NBAS: variants seen among roughly 807,000 people sequenced by gnomAD.
NBAS encodes NBAS subunit of NRZ tethering complex.
NBAS carries 219 observed loss-of-function variants against 302.5 expected under a neutral mutation model. The ratio of observed to expected loss-of-function variants is 0.72; its 90% CI spans 0.65 to 0.81. NBAS has a LOEUF of 0.81. NBAS is among the 30% of genes least tolerant of loss of function. The pLI, the probability that NBAS is intolerant of heterozygous loss-of-function variation, is 0.00. For missense variants in NBAS, 2,932 were observed against 2,841.6 expected (o/e 1.03, Z -0.72); for synonymous variants, 1,118 against 1,021.6 (o/e 1.09, Z -1.80).
the NBAS span, among the ~76,000 whole-genome samples, chr2:14,783,566 C>A: frequency 6.8e-5 from 10 of 146,612 alleles, no homozygotes; most frequent in Admixed American, 7.1e-5. Context: ...TGAGAACATG[C>A]GGTGTTTGGT....
the NBAS span, among the ~76,000 whole-genome samples, chr2:14,999,603 C>T: frequency 1.4e-4 from 22 of 152,160 alleles, no homozygotes; most frequent in Non-Finnish European, 2.6e-4. Flanking sequence ...TGCTTGCTTC[C>T]TCTTCACCTT....
At chr2:15,459,640 C>T (rs894636664) in intron 21 of NBAS, among the ~76,000 whole-genome samples, 1 of 151,912 alleles carries the variant, frequency 6.6e-6, no homozygotes, top group African/African-American at 2.4e-5. Flanking sequence ...CTACCACGCC[C>T]AGCTAATTTT....
the NBAS span, among the ~76,000 whole-genome samples, chr2:15,090,466 C>A: frequency 6.6e-6 from 1 of 152,268 alleles, no homozygotes. Context: ...GGACTGTCAT[C>A]TGGCTTGAGC....
chr2:14,999,844 T>C, the NBAS span, among the ~76,000 whole-genome samples: 1 of 152,228 alleles, frequency 6.6e-6, no homozygotes, highest in African/African-American at 2.4e-5. Flanking sequence ...ATTTACCGCC[T>C]ATGTGCTCCA....
At chr2:15,543,381 G>A (rs1420439419) in intron 6 of NBAS, among the ~76,000 whole-genome samples, 1 of 152,056 alleles carries the variant, frequency 6.6e-6, no homozygotes, top group Non-Finnish European at 1.5e-5. Context: ...AGTAGCCTCT[G>A]AGCCCCATTA....
At chr2:14,949,782 T>G in the NBAS span, among the ~76,000 whole-genome samples, 2 of 152,076 alleles carry the variant, frequency 1.3e-5, no homozygotes, top group African/African-American at 4.8e-5. Flanking sequence ...TTAAGAGAAA[T>G]AAGCCAAGTA....
At chr2:15,317,420 A>T (rs773558796) in intron 38 of NBAS, among the ~76,000 whole-genome samples, 12 of 152,198 alleles carry the variant, frequency 7.9e-5, no homozygotes, top group Non-Finnish European at 1.6e-4. Context: ...AACAGAAGTA[A>T]GCTTCAGAAG....
the NBAS span, among the ~76,000 whole-genome samples, chr2:14,928,781 A>G: frequency 1.3e-5 from 2 of 152,154 alleles, no homozygotes; most frequent in Non-Finnish European, 2.9e-5. Flanking sequence ...CCCTCTGTCA[A>G]ACTGGACAGT....
chr2:15,084,929 G>C, the NBAS span, among the ~76,000 whole-genome samples: 1 of 152,228 alleles, frequency 6.6e-6, no homozygotes, highest in African/African-American at 2.4e-5. Context: ...AACTTGATGA[G>C]GTCAAGGTAA....
downstream of NBAS, among the ~76,000 whole-genome samples, chr2:15,163,625 T>C (rs1335035841): frequency 6.6e-6 from 1 of 152,172 alleles, no homozygotes; most frequent in Non-Finnish European, 1.5e-5. Flanking sequence ...GACTCAATCT[T>C]ATTCTAGTAA....
the NBAS span, among the ~76,000 whole-genome samples, chr2:14,785,879 T>A: frequency 6.6e-6 from 1 of 152,196 alleles, no homozygotes; most frequent in African/African-American, 2.4e-5. Flanking sequence ...TTGATTGGAA[T>A]AGTTTCAGGA....
At chr2:15,066,849 C>A in the NBAS span, among the ~76,000 whole-genome samples, 13 of 152,094 alleles carry the variant, frequency 8.5e-5, no homozygotes, top group Non-Finnish European at 1.9e-4. Context: ...AATCCCACTT[C>A]TAAGTATACC....
chr2:14,895,578 A>C, the NBAS span, among the ~76,000 whole-genome samples: 9 of 152,152 alleles, frequency 5.9e-5, no homozygotes, highest in Non-Finnish European at 1.3e-4. Context: ...CTCCACTAAA[A>C]ATACAAAAAA....
chr2:15,514,164 T>C (rs560925503), intron 9 of NBAS, among the ~76,000 whole-genome samples: 2 of 152,326 alleles, frequency 1.3e-5, no homozygotes, highest in African/African-American at 2.4e-5. Context: ...TTTACTTCAA[T>C]ATAATCCAGG....
chr2:15,553,664 C>A lies in NBAS; in HGVS notation c.288-191G>T, dbSNP rs10200748. Among the ~76,000 whole-genome samples, 4,140 of 152,216 alleles carry A rather than the reference C, an allele frequency of 0.027. 209 individuals carry two copies. The highest frequency in any genetic ancestry group is 0.095 in the African/African-American group (3,941 of 41,516). On this transcript the variant is annotated intron_variant, in intron 4 of 51. Coordinates refer to ENST00000281513, the MANE Select transcript of NBAS (RefSeq NM_015909.4). The stretch of plus-strand genomic sequence containing the variant: ...AAGCACACAAAATGATTTAATACAG[C>A]ATGAATTAACATGTTTAAGCTCTCT...
chr2:14,793,066 G>GTTTC, the NBAS span, among the ~76,000 whole-genome samples: 1 of 129,358 alleles, frequency 7.7e-6, no homozygotes, highest in African/African-American at 3.1e-5. Flanking sequence ...CTCTGTCTCT[G>GTTTC]TTTCTCTCTC....
At position 15,167,341 on chromosome 2, in the gene NBAS, G is replaced by A. The variant is rs748667463; in HGVS notation, c.6841-18C>T. 1.2e-6 allele frequency: 2 copies of A among 1,613,892 alleles called. No homozygotes were observed. Among genetic ancestry groups the A allele is most frequent in the Admixed American group, 3.3e-5 (2 of 60,006 alleles). On this transcript the variant is annotated intron_variant, in intron 51 of 51. Coordinates refer to ENST00000281513, the MANE Select transcript of NBAS (RefSeq NM_015909.4). ...TCATTCACCTTCAAGAAATAAGACAGGCACAGCGTGAGGGGGTGTTTGCTT... is the reference window on the plus strand; with the variant it reads ...TCATTCACCTTCAAGAAATAAGACAAGCACAGCGTGAGGGGGTGTTTGCTT...
At chr2:14,865,926 C>T in the NBAS span, among the ~76,000 whole-genome samples, 1 of 152,166 alleles carries the variant, frequency 6.6e-6, no homozygotes, top group South Asian at 2.1e-4. Context: ...AACTGAAGAT[C>T]TCATTCACTC....
chr2:15,302,121 G>A (rs1670828337), intron 40 of NBAS, among the ~76,000 whole-genome samples: 1 of 152,174 alleles, frequency 6.6e-6, no homozygotes, highest in South Asian at 2.1e-4. Context: ...AACACAGGGT[G>A]GAGAGATGGA....
Sources: gnomAD v4.1 joint callset for allele counts (sites outside exome capture counted in the v4.1 genomes callset) on GRCh38, gnomAD v4.1.1 for gene constraint, MANE v1.5 for transcripts, NCBI Gene and HGNC (gene_info 2026-07-23, HGNC 2026-07-21) for gene names.